CD99L2: variants seen among roughly 807,000 people sequenced by gnomAD.
The protein encoded by CD99L2 is CD99 antigen-like protein 2.
A neutral mutation model predicts 27.3 loss-of-function variants in CD99L2; 24 were observed. The ratio of observed to expected loss-of-function variants is 0.88; its 90% CI spans 0.64 to 1.24. CD99L2 has a LOEUF of 1.24. Among genes scored for constraint, CD99L2 ranks in the 50% most tolerant of loss-of-function variants. CD99L2 has a pLI of 0.00. For synonymous variants in CD99L2, 97 were observed against 87.9 expected, an observed-to-expected ratio of 1.10 and a Z score of -0.58; for missense variants, 255 against 221.6, an observed-to-expected ratio of 1.15 and a Z score of -0.96.
intron 1 of CD99L2, among the ~76,000 whole-genome samples, chrX:150,880,479 T>C (rs782284732): frequency 1.8e-5 from 2 of 112,289 alleles, no homozygotes; most frequent in Non-Finnish European, 3.8e-5. Flanking sequence ...TCCATTTATA[T>C]GAATGCCCAG....
chrX:150,853,009 G>A (rs1166715540), intron 1 of CD99L2, among the ~76,000 whole-genome samples: 1 of 111,248 alleles, frequency 9.0e-6, no homozygotes, highest in African/African-American at 3.3e-5. Context: ...AATCACCACG[G>A]AAGTTTCTGA....
chrX:150,877,972 A>G (rs1557422365), intron 1 of CD99L2, among the ~76,000 whole-genome samples: 1 of 88,707 alleles, frequency 1.1e-5, no homozygotes, highest in Non-Finnish European at 2.6e-5. Context: ...ACACACACAC[A>G]CACACACACA....
chrX:150,857,466 GA>G (rs1166811391), intron 1 of CD99L2, among the ~76,000 whole-genome samples: 71 of 102,853 alleles, frequency 6.9e-4, no homozygotes, highest in Middle Eastern at 5.0e-3. Flanking sequence ...AATGCTGAAA[GA>G]AAAAAAAAAA....
intron 1 of CD99L2, among the ~76,000 whole-genome samples, chrX:150,881,433 A>G (rs1381296576): frequency 8.9e-6 from 1 of 111,844 alleles, no homozygotes; most frequent in East Asian, 2.8e-4. Context: ...ACCTGTCACA[A>G]TGCTCTGCCC....
At chrX:150,898,250 G>A (rs1489143289) in intron 1 of CD99L2, among the ~76,000 whole-genome samples, 1 of 112,118 alleles carries the variant, frequency 8.9e-6, no homozygotes, top group African/African-American at 3.2e-5. Flanking sequence ...ACACCTGCTC[G>A]TTCAGGATTT....
rs2047657386 is a variant in CD99L2 at position 150,898,546 on chromosome X, A to C, written c.43T>G (p.Ser15Ala). Residue 15 changes from serine (S) to alanine (A), a missense_variant, in exon 1 of 11, where the codon TCC (serine) becomes GCC (alanine). Ser to Ala is a moderately conservative substitution (Grantham distance 99, BLOSUM62 1). Coordinates refer to ENST00000370377, the MANE Select transcript of CD99L2 (RefSeq NM_031462.4). Reference sequence around the variant, plus strand: ...CCTCGCTGGACCAGGGTGGCCAAGGAGAAAGCGAGGCAGACAAGGAACGCC... The same window carrying C: ...CCTCGCTGGACCAGGGTGGCCAAGGCGAAAGCGAGGCAGACAAGGAACGCC... Reference protein sequence around the residue: ...RSAFLVCLAFSLATLVQRGSG... With the variant: ...RSAFLVCLAFALATLVQRGSG... 1.8e-6 allele frequency: 2 copies of C among 1,116,026 alleles called. No homozygotes were observed. Among genetic ancestry groups the C allele is most frequent in the Non-Finnish European group, 2.4e-6 (2 of 850,269 alleles). The allele number at this position is 1,116,026 out of a possible 1,213,427, so 92.0% of individuals were successfully genotyped here.
intron 7 of CD99L2, among the ~76,000 whole-genome samples, chrX:150,786,422 C>T (rs571495061): frequency 9.0e-6 from 1 of 110,737 alleles, no homozygotes; most frequent in African/African-American, 3.3e-5. Context: ...CCCCTCTATG[C>T]GTCTATGTGT....
intron 7 of CD99L2, among the ~76,000 whole-genome samples, chrX:150,786,414 C>T (rs2045595745): frequency 9.0e-6 from 1 of 110,623 alleles, no homozygotes; most frequent in Non-Finnish European, 1.9e-5. Context: ...GTGTTGTTCC[C>T]CTCTATGCGT....
chrX:150,798,587 A>G (rs1340455772), intron 4 of CD99L2, among the ~76,000 whole-genome samples: 1 of 111,945 alleles, frequency 8.9e-6, no homozygotes, highest in African/African-American at 3.2e-5. Context: ...GAAATAGTTC[A>G]AAGACCTAAA....
chrX:150,846,858 C>T (rs1423440754), intron 1 of CD99L2, among the ~76,000 whole-genome samples: 1 of 112,260 alleles, frequency 8.9e-6, no homozygotes, highest in Non-Finnish European at 1.9e-5. Context: ...ATAACAAATG[C>T]ACATGGTATT....
At chrX:150,825,974 G>A (rs782454215) in intron 2 of CD99L2, among the ~76,000 whole-genome samples, 37 of 111,757 alleles carry the variant, frequency 3.3e-4, no homozygotes, top group African/African-American at 1.1e-3. Flanking sequence ...CCAAATTCAT[G>A]TTGAAACTTA....
intron 8 of CD99L2, chrX:150,777,238 A>T: frequency 2.2e-6 from 1 of 459,620 alleles, no homozygotes; most frequent in African/African-American, 2.4e-5. Context: ...ATTGAGGCCC[A>T]TAAGAAATTT....
chrX:150,810,707 T>C (rs1439144635), intron 4 of CD99L2, among the ~76,000 whole-genome samples: 1 of 112,123 alleles, frequency 8.9e-6, no homozygotes, highest in Admixed American at 9.5e-5. Context: ...GGCAAACCTT[T>C]AGCAAGACTG....
intron 4 of CD99L2, among the ~76,000 whole-genome samples, chrX:150,798,148 G>T (rs1357462135): frequency 2.7e-5 from 1 of 36,754 alleles, no homozygotes; most frequent in Admixed American, 3.6e-4. Flanking sequence ...GGAAGGAAGG[G>T]AGGGAGGGAG....
At chrX:150,827,024 A>G (rs1219853713) in intron 2 of CD99L2, among the ~76,000 whole-genome samples, 1 of 111,451 alleles carries the variant, frequency 9.0e-6, no homozygotes, top group East Asian at 2.8e-4. Context: ...TAGGTACTGT[A>G]TGTCTCCTTC....
intron 4 of CD99L2, among the ~76,000 whole-genome samples, chrX:150,804,948 G>A (rs1012473277): frequency 6.6e-4 from 74 of 111,906 alleles, no homozygotes; most frequent in Non-Finnish European, 4.9e-4. Context: ...CACTTTGGGA[G>A]GCCGAGGCAG....
At chrX:150,782,169 GC>G (rs1425765611) in intron 7 of CD99L2, among the ~76,000 whole-genome samples, 1 of 112,227 alleles carries the variant, frequency 8.9e-6, no homozygotes, top group Non-Finnish European at 1.9e-5. Context: ...CATAGCTAGG[GC>G]TTTTAGATAT....
chrX:150,895,213 G>C (rs1420564057), intron 1 of CD99L2, among the ~76,000 whole-genome samples: 2 of 111,163 alleles, frequency 1.8e-5, no homozygotes, highest in African/African-American at 6.5e-5. Flanking sequence ...TGAAGCTCCT[G>C]TTAAGATTAC....
intron 6 of CD99L2, 148 bp downstream of exon 6, chrX:150,795,058 G>A: frequency 3.6e-6 from 2 of 548,352 alleles, no homozygotes; most frequent in East Asian, 3.3e-5. Flanking sequence ...AATGATTTCA[G>A]GAGTCCCCAG....
Sources: allele counts gnomAD v4.1 joint callset (sites outside exome capture counted in the v4.1 genomes callset), GRCh38; gene constraint gnomAD v4.1.1; transcripts MANE v1.5; gene names NCBI Gene and HGNC (gene_info 2026-07-23, HGNC 2026-07-21).